The following RCC2 variants were observed in gnomAD, a reference collection of about 807,000 sequenced individuals.
RCC2 encodes the protein regulator of chromosome condensation 2, also known as protein RCC2.
RCC2 carries 19 observed loss-of-function variants against 64.1 expected under a neutral mutation model. The observed-to-expected ratio is 0.30, with a 90% CI of 0.21 to 0.44. The LOEUF (loss-of-function observed/expected upper bound fraction) is 0.44, where lower values mean the gene tolerates loss of function less well. Ranked by LOEUF, RCC2 falls within the 20% of genes least tolerant of loss-of-function variation. The pLI, the probability that RCC2 is intolerant of heterozygous loss-of-function variation, is 1.00. For synonymous variants in RCC2, 325 were observed against 279.6 expected (o/e 1.16, Z -1.62); for missense variants, 508 against 710.4 (o/e 0.72, Z 3.24).
At chr1:17,420,669 A>T in intron 7 of RCC2, 45 bp downstream of exon 7, 1 of 1,244,588 alleles carries the variant, frequency 8.0e-7, no homozygotes, top group South Asian at 1.4e-5. Context: ...AGTTCTGAAT[A>T]TATACAGTTA....
intron 8 of RCC2, among the ~76,000 whole-genome samples, chr1:17,415,231 A>C (rs1291578605): frequency 6.6e-6 from 1 of 152,210 alleles, no homozygotes; most frequent in African/African-American, 2.4e-5. Flanking sequence ...GTCCTAGCCC[A>C]ATTCCCTGGG....
intron 2 of RCC2, among the ~76,000 whole-genome samples, chr1:17,435,491 ACT>A (rs1444514883): frequency 1.3e-5 from 2 of 152,230 alleles, no homozygotes; most frequent in East Asian, 3.8e-4. Context: ...GGTCCCTAGG[ACT>A]GCTCAACAGA....
chr1:17,409,328 G>A (rs1475720504), intron 12 of RCC2, 134 bp from the exon 13 acceptor site: 6 of 651,846 alleles, frequency 9.2e-6, no homozygotes, highest in African/African-American at 9.0e-5. Flanking sequence ...ACTGCAAAAA[G>A]CCCCTCTGCC....
intron 11 of RCC2, among the ~76,000 whole-genome samples, chr1:17,411,888 C>T (rs2075430757): frequency 6.6e-6 from 1 of 152,200 alleles, no homozygotes; most frequent in Non-Finnish European, 1.5e-5. Context: ...TCTGAAAAGT[C>T]CCAATTTTCA....
Position 17,416,501 on chromosome 1 carries a change from C to T in RCC2, c.1005G>A (p.Val335=). 1 of 1,612,670 alleles carries T rather than the reference C, an allele frequency of 6.2e-7. No individual in the cohort carries two copies. Among genetic ancestry groups the T allele is most frequent in the Non-Finnish European group, 8.5e-7 (1 of 1,179,496 alleles). The change falls in exon 8 of 13, where the codon GTG becomes GTA. Residue 335 remains valine, a synonymous_variant. Coordinates refer to ENST00000375436, the MANE Select transcript of RCC2 (RefSeq NM_018715.4). ...TCACCGTGTGGTTAGCGCCACAGGC[C>T]ACGTCTCGTACAACCACGTTTGGTA... The part of the protein sequence containing the change: ...LPVPNVVVRD[V]ACGANHTLVL...
chr1:17,416,491 C>A lies in RCC2; in HGVS notation c.1015G>T (p.Ala339Ser). Residue 339 changes from alanine (A) to serine (S), a missense_variant, in exon 8 of 13, where the codon GCT becomes TCT. By Grantham distance (99) the Ala-to-Ser change is moderately conservative. Around this residue, in one of 4 missense-constraint regions of RCC2, gnomAD observed 179 missense variants for 322.0 expected, o/e 0.56. Coordinates refer to ENST00000375436, the MANE Select transcript of RCC2 (RefSeq NM_018715.4). ...AAGCCGAGCCTCACCGTGTGGTTAG[C>A]GCCACAGGCCACGTCTCGTACAACC... ...NVVVRDVACG[A>S]NHTLVLDSQK... is the part of the protein sequence containing the mutation. 1 of 1,610,242 alleles carries A rather than the reference C, an allele frequency of 6.2e-7. No individual in the cohort carries two copies. Among genetic ancestry groups the A allele is most frequent in the Non-Finnish European group, 8.5e-7 (1 of 1,177,834 alleles).
chr1:17,426,011 C>T lies in RCC2; in HGVS notation c.380-327G>A, dbSNP rs114581837. 2.3e-3 allele frequency among the ~76,000 whole-genome samples: 345 copies of T among 152,302 alleles called. 1 individual carries two copies. The highest frequency in any genetic ancestry group is 8.1e-3 in the African/African-American group (335 of 41,570). ...GCCCCACGTGTTCTGCCATTGAGCA[C>T]GCCCACCCGCAAGTGCCCGGGACCT... On this transcript the variant is annotated intron_variant, in intron 3 of 12. Coordinates refer to ENST00000375436, the MANE Select transcript of RCC2 (RefSeq NM_018715.4).
At chr1:17,413,483 G>T in intron 9 of RCC2, 54 bp downstream of exon 9, 1 of 1,568,354 alleles carries the variant, frequency 6.4e-7, no homozygotes, top group South Asian at 1.1e-5. Context: ...CAGGACAATG[G>T]CTACACGGTT....
At position 17,439,136 on chromosome 1, in the gene RCC2, G is replaced by T. The variant is rs181053696; in HGVS notation, c.-9+409C>A. On this transcript the variant is annotated intron_variant, in intron 1 of 12. Coordinates refer to ENST00000375436, the MANE Select transcript of RCC2 (RefSeq NM_018715.4). Reference sequence around the variant, plus strand: ...ACGGCGGACTGCCCCCGGCGACGGGGGAAGAGCCCGAAGAAAGCTGGACCC... The same window carrying T: ...ACGGCGGACTGCCCCCGGCGACGGGTGAAGAGCCCGAAGAAAGCTGGACCC... Among the ~76,000 whole-genome samples, 231 of 152,316 alleles carry T rather than the reference G, an allele frequency of 1.5e-3. 2 individuals carry two copies. The highest frequency in any genetic ancestry group is 3.4e-3 in the Middle Eastern group (1 of 294).
rs1350177311 is a variant in RCC2 at position 17,429,232 on chromosome 1, T to C, written c.286-33A>G. On this transcript the variant is annotated intron_variant, in intron 2 of 12. Coordinates refer to ENST00000375436, the MANE Select transcript of RCC2 (RefSeq NM_018715.4). ...GACAGAGAAAGGAAAAAAGAATTAG[T>C]GTGTAAGTCTGCACCTAGCTTTCCA... 5 of 1,536,166 alleles carry C rather than the reference T, an allele frequency of 3.3e-6. No individual in the cohort carries two copies. In the African/African-American group the frequency reaches 4.1e-5, roughly 13 times the overall value.
chr1:17,420,666 A>C (rs771423422), intron 7 of RCC2, 48 bp downstream of exon 7: 2 of 1,227,938 alleles, frequency 1.6e-6, no homozygotes, highest in African/African-American at 3.0e-5. Context: ...TCTAGTTCTG[A>C]ATATATACAG....
Position 17,409,197 on chromosome 1 carries a change from G to A in RCC2, c.1465-3C>T, listed in dbSNP as rs2075398345. 1.9e-6 allele frequency: 3 copies of A among 1,600,208 alleles called. No homozygotes were observed. Among genetic ancestry groups the A allele is most frequent in the Admixed American group, 1.7e-5 (1 of 59,984 alleles). On this transcript the variant is annotated splice_polypyrimidine_tract_variant and splice_region_variant and intron_variant, in intron 12 of 12. Transcript: ENST00000375436. The stretch of plus-strand genomic sequence containing the variant: ...GAGTGTGAGTAGCCCATGGCGACCT[G>A]GGGGGACAAATCAGCGTTGGGTGTG...
At position 17,407,378 on chromosome 1, in the gene RCC2, G is replaced by A. The variant is rs1164185612; in HGVS notation, c.*1712C>T. The A allele has an allele frequency of 1.3e-5, 2 of 152,284 alleles. No homozygotes were observed. Among genetic ancestry groups the A allele is most frequent in the Non-Finnish European group, 2.9e-5 (2 of 68,078 alleles). 9.4% of individuals were successfully genotyped at this position (152,284 alleles called of 1,614,324 possible). On this transcript the variant is annotated 3_prime_UTR_variant, in exon 13 of 13. Coordinates refer to ENST00000375436, the MANE Select transcript of RCC2 (RefSeq NM_018715.4). ...GGGAAACGGATCAGGCTGTCGCATG[G>A]AAGCTTACGTCAGAGATGGTGGTTT...
intron 3 of RCC2, among the ~76,000 whole-genome samples, chr1:17,426,194 C>T (rs1557630156): frequency 6.6e-6 from 1 of 152,104 alleles, no homozygotes. Flanking sequence ...TCCTGCCCTC[C>T]ATCTCCGGCC....
intron 7 of RCC2, among the ~76,000 whole-genome samples, chr1:17,417,281 G>A (rs910363324): frequency 6.6e-6 from 1 of 152,198 alleles, no homozygotes; most frequent in African/African-American, 2.4e-5. Flanking sequence ...CCAGTCCTGA[G>A]AACACGCCAG....
Position 17,429,178 on chromosome 1 carries a change from T to C in RCC2, c.307A>G (p.Lys103Glu). The change falls in exon 3 of 13, where the codon AAA becomes GAA. Residue 103 changes from lysine (K) to glutamate (E), a missense_variant. Around this residue, in one of 4 missense-constraint regions of RCC2, gnomAD observed 195 missense variants for 158.3 expected, o/e 1.23. Transcript: ENST00000375436. ...ERVKLEGSKC[K>E]GQLLIFGATN... is the part of the protein sequence containing the mutation. ...GCCCCAAAAATCAAAAGCTGCCCTT[T>C]GCACTTTGACCCTTCAAGTTTCTGC... 6.2e-7 allele frequency: 1 copy of C among 1,614,196 alleles called. No homozygotes were observed. Among genetic ancestry groups the C allele is most frequent in the Non-Finnish European group, 8.5e-7 (1 of 1,180,022 alleles).
chr1:17,433,004 T>TCA (rs1491509245), intron 2 of RCC2, among the ~76,000 whole-genome samples: 2 of 151,468 alleles, frequency 1.3e-5, no homozygotes, highest in African/African-American at 2.4e-5. Flanking sequence ...ATATATACAC[T>TCA]CACACACACA....
chr1:17,439,243 C>T (rs1048872537), intron 1 of RCC2, among the ~76,000 whole-genome samples: 3 of 151,810 alleles, frequency 2.0e-5, no homozygotes, highest in Non-Finnish European at 4.4e-5. Context: ...CCTTGCCGGC[C>T]GTGCGGCCCG....
At chr1:17,433,416 G>A (rs746902983) in intron 2 of RCC2, among the ~76,000 whole-genome samples, 36 of 152,226 alleles carry the variant, frequency 2.4e-4, no homozygotes, top group Non-Finnish European at 3.4e-4. Context: ...GGCTCCACCC[G>A]GGGCGGCGGG....
Sources: gnomAD v4.1 joint callset for allele counts (sites outside exome capture counted in the v4.1 genomes callset) on GRCh38, gnomAD v4.1.1 for gene constraint, gnomAD v4.1.1 regional missense constraint, MANE v1.5 for transcripts, NCBI Gene and HGNC (gene_info 2026-07-23, HGNC 2026-07-21) for gene names.